RAB7A: variants seen among roughly 807,000 people sequenced by gnomAD.
RAB7A encodes the protein RAB7A, member RAS oncogene family.
Under a neutral mutation model 24.5 loss-of-function variants are expected in RAB7A, and 2 were observed. The ratio of observed to expected loss-of-function variants is 0.08; its 90% CI spans 0.03 to 0.26. The LOEUF (loss-of-function observed/expected upper bound fraction) is 0.26, where lower values mean the gene tolerates loss of function less well. Ranked by LOEUF, RAB7A falls within the 10% of genes least tolerant of loss-of-function variation. The pLI, the probability that RAB7A is intolerant of heterozygous loss-of-function variation, is 1.00. For synonymous variants in RAB7A, 100 were observed against 95.9 expected (o/e 1.04, Z -0.25); for missense variants, 118 against 255.7 (o/e 0.46, Z 3.67).
At chr3:128,756,912 C>A (rs1250085383) in intron 1 of RAB7A, among the ~76,000 whole-genome samples, 1 of 150,920 alleles carries the variant, frequency 6.6e-6, no homozygotes, top group Non-Finnish European at 1.5e-5. Flanking sequence ...GGCATGATCT[C>A]AGCTCACTGC....
intron 1 of RAB7A, among the ~76,000 whole-genome samples, chr3:128,757,919 A>G (rs2070743182): frequency 6.6e-6 from 1 of 152,064 alleles, no homozygotes; most frequent in African/African-American, 2.4e-5. Flanking sequence ...TCAGCCTCCC[A>G]AAGTGCTGGA....
intron 1 of RAB7A, among the ~76,000 whole-genome samples, chr3:128,753,906 G>C (rs1049167132): frequency 1.3e-5 from 2 of 152,012 alleles, no homozygotes; most frequent in Admixed American, 6.6e-5. Flanking sequence ...CAAAAGTGCT[G>C]TGGTTACAGG....
chr3:128,797,917 T>TAA, intron 2 of RAB7A, 26 bp from the exon 3 acceptor site: 1 of 1,611,578 alleles, frequency 6.2e-7, no homozygotes, highest in Non-Finnish European at 8.5e-7. Context: ...ATTTGACTTA[T>TAA]ACTTATGGTT....
intron 5 of RAB7A, among the ~76,000 whole-genome samples, chr3:128,812,229 C>T (rs1179266626): frequency 6.6e-6 from 1 of 152,234 alleles, no homozygotes; most frequent in African/African-American, 2.4e-5. Context: ...ATTCTCCTGC[C>T]TCAGCCTCCT....
At chr3:128,737,770 T>A (rs2070505206) in intron 1 of RAB7A, among the ~76,000 whole-genome samples, 1 of 144,792 alleles carries the variant, frequency 6.9e-6, no homozygotes, top group African/African-American at 2.6e-5. Context: ...CATCTCAACT[T>A]CCCCAGTAGC....
At chr3:128,751,181 C>T (rs182748640) in intron 1 of RAB7A, among the ~76,000 whole-genome samples, 58 of 152,242 alleles carry the variant, frequency 3.8e-4, no homozygotes, top group African/African-American at 1.3e-3. Context: ...GGATGGAGCC[C>T]CCACACAGAG....
intron 3 of RAB7A, among the ~76,000 whole-genome samples, chr3:128,805,610 CAAATG>C (rs1231727308): frequency 6.6e-6 from 1 of 152,144 alleles, no homozygotes; most frequent in Non-Finnish European, 1.5e-5. Context: ...AGGTATAATA[CAAATG>C]AAATATAACA....
At chr3:128,734,246 A>G (rs1302157235) in intron 1 of RAB7A, among the ~76,000 whole-genome samples, 2 of 152,130 alleles carry the variant, frequency 1.3e-5, no homozygotes, top group Non-Finnish European at 2.9e-5. Flanking sequence ...CCTGGCCAAC[A>G]TAGCGAAACC....
chr3:128,766,450 TTATTG>T (rs2107598761), intron 1 of RAB7A, among the ~76,000 whole-genome samples: 1 of 152,324 alleles, frequency 6.6e-6, no homozygotes, highest in South Asian at 2.1e-4. Context: ...TGGACTAAAT[TTATTG>T]TATGGTTCTT....
rs377236442 is a variant in RAB7A, at chr3:128,763,277, C to T, written c.-8-32083C>T. On this transcript the variant is annotated intron_variant, in intron 1 of 5. Coordinates refer to ENST00000265062, the MANE Select transcript of RAB7A (RefSeq NM_004637.6). ...TCGCCCAGGCTGGAGTGTAGTGGCG[C>T]GATCTCAGCTCACTGCAAGCTCCGC... is the stretch of plus-strand genomic sequence containing the variant. Among the ~76,000 whole-genome samples the T allele has an allele frequency of 9.4e-4, 128 of 136,852 alleles. 1 individual carries two copies. The highest frequency in any genetic ancestry group is 3.0e-3 in the East Asian group (14 of 4,738). The allele number at this position is 136,852 out of a possible 152,430, so 89.8% of individuals were successfully genotyped here.
intron 3 of RAB7A, among the ~76,000 whole-genome samples, chr3:128,803,396 A>G (rs752149535): frequency 6.6e-6 from 1 of 152,150 alleles, no homozygotes; most frequent in Non-Finnish European, 1.5e-5. Context: ...GTATCCAAGC[A>G]GTAGGTAACC....
chr3:128,772,835 G>C (rs1202209182), intron 1 of RAB7A, among the ~76,000 whole-genome samples: 1 of 152,246 alleles, frequency 6.6e-6, no homozygotes, highest in Admixed American at 6.5e-5. Context: ...CGAGTGATCT[G>C]CCAGCCTCGG....
chr3:128,774,086 A>G (rs1190210994), intron 1 of RAB7A, among the ~76,000 whole-genome samples: 1 of 151,144 alleles, frequency 6.6e-6, no homozygotes, highest in East Asian at 1.9e-4. Flanking sequence ...ATTAAAAAAA[A>G]AAAAAAAAAG....
intron 1 of RAB7A, among the ~76,000 whole-genome samples, chr3:128,732,133 G>A (rs573633848): frequency 1.1e-4 from 17 of 149,954 alleles, no homozygotes; most frequent in Admixed American, 9.3e-4. Flanking sequence ...TCCGCCTCTC[G>A]GGTTCAAGCA....
At chr3:128,791,526 T>G (rs1451964939) in intron 1 of RAB7A, among the ~76,000 whole-genome samples, 1 of 152,220 alleles carries the variant, frequency 6.6e-6, no homozygotes, top group African/African-American at 2.4e-5. Flanking sequence ...GCATGAGAAT[T>G]TGACTTTTGT....
At position 128,737,162 on chromosome 3, in the gene RAB7A, C is replaced by A. The variant is rs376911096; in HGVS notation, c.-9+10803C>A. Among the ~76,000 whole-genome samples, 91 of 151,436 alleles carry A rather than the reference C, an allele frequency of 6.0e-4. 1 individual carries two copies. The highest frequency in any genetic ancestry group is 4.3e-3 in the East Asian group (22 of 5,118). On this transcript the variant is annotated intron_variant, in intron 1 of 5. Transcript: ENST00000265062. ...ACGCCCTTCTCCTGCCTCAGCTTCC[C>A]GAGTAGCTAGGACTACAGGCGCCCG...
intron 1 of RAB7A, among the ~76,000 whole-genome samples, chr3:128,768,063 T>C (rs2043129698): frequency 6.6e-6 from 1 of 152,140 alleles, no homozygotes; most frequent in Non-Finnish European, 1.5e-5. Context: ...TATTTCTTCG[T>C]AATTCACCCT....
intron 1 of RAB7A, among the ~76,000 whole-genome samples, chr3:128,763,080 C>T (rs2070787942): frequency 6.6e-6 from 1 of 151,518 alleles, no homozygotes; most frequent in Non-Finnish European, 1.5e-5. Flanking sequence ...CAGAGTGTCC[C>T]ACATTCTAGG....
chr3:128,792,737 A>G (rs924187140), intron 1 of RAB7A, among the ~76,000 whole-genome samples: 2 of 151,534 alleles, frequency 1.3e-5, no homozygotes, highest in Non-Finnish European at 2.9e-5. Context: ...ACTCACTGCA[A>G]CCTCTGCCTC....
Sources: allele counts gnomAD v4.1 joint callset (sites outside exome capture counted in the v4.1 genomes callset), GRCh38; gene constraint gnomAD v4.1.1; transcripts MANE v1.5; gene names NCBI Gene and HGNC (gene_info 2026-07-23, HGNC 2026-07-21).